PGBD5: variants seen among roughly 807,000 people sequenced by gnomAD.
PGBD5 encodes piggyBac transposable element derived 5.
In PGBD5, 14 loss-of-function variants were observed where a neutral mutation model predicts 47.9. The ratio of observed to expected loss-of-function variants is 0.29; its 90% CI spans 0.19 to 0.46. The LOEUF is 0.46. Ranked by LOEUF, PGBD5 falls within the 20% of genes least tolerant of loss-of-function variation. The pLI is 1.00. For missense variants in PGBD5, 635 were observed against 716.0 expected, an observed-to-expected ratio of 0.89 and a Z score of 1.29; for synonymous variants, 316 against 306.3, an observed-to-expected ratio of 1.03 and a Z score of -0.33.
chr1:230,377,161 G>A (rs1168296530), intron 1 of PGBD5, among the ~76,000 whole-genome samples: 1 of 152,204 alleles, frequency 6.6e-6, no homozygotes, highest in African/African-American at 2.4e-5. Flanking sequence ...AAATGCATAA[G>A]TGTAAGGTGC....
chr1:230,374,085 T>C (rs1197202328), intron 1 of PGBD5, among the ~76,000 whole-genome samples: 1 of 152,202 alleles, frequency 6.6e-6, no homozygotes, highest in African/African-American at 2.4e-5. Flanking sequence ...GAACTCTCTC[T>C]ACATTAAAAG....
In PGBD5 at chr1:230,357,328, C is replaced by A. The variant is rs370040930; in HGVS notation, c.332-7G>T. On this transcript the variant is annotated splice_region_variant and splice_polypyrimidine_tract_variant and intron_variant, in intron 1 of 6. Coordinates refer to ENST00000391860, the MANE Select transcript of PGBD5 (RefSeq NM_001258311.2). This position sits in a 1 kb window ranked among gnomAD's most constrained non-coding sequence, Gnocchi z 5.7. ...GGCATCTTTCGGGTGGGACCTGAAA[C>A]CCAAAGACAGGTGGAGTGTTCCTTA... 5 of 1,611,572 alleles carry A rather than the reference C, an allele frequency of 3.1e-6. No homozygotes were observed. Among genetic ancestry groups the A allele is most frequent in the Non-Finnish European group, 4.2e-6 (5 of 1,178,390 alleles).
chr1:230,324,581 C>T (rs932686750), intron 6 of PGBD5, among the ~76,000 whole-genome samples: 1 of 152,136 alleles, frequency 6.6e-6, no homozygotes, highest in East Asian at 1.9e-4. Flanking sequence ...ACAGGTTACC[C>T]TCAAAGAAGG....
At chr1:230,347,476 C>CTTTTTTTT (rs71733326) in intron 3 of PGBD5, among the ~76,000 whole-genome samples, 2 of 113,448 alleles carry the variant, frequency 1.8e-5, no homozygotes, top group Non-Finnish European at 3.6e-5. Context: ...ATTTTCTTTT[C>CTTTTTTTT]TTTTTTTTTT....
chr1:230,372,447 A>G (rs1667944185), intron 1 of PGBD5, among the ~76,000 whole-genome samples: 1 of 152,210 alleles, frequency 6.6e-6, no homozygotes, highest in Non-Finnish European at 1.5e-5. Context: ...ACTATAAGCC[A>G]TACCTAGCAA....
intron 1 of PGBD5, among the ~76,000 whole-genome samples, chr1:230,414,704 AAT>A: frequency 6.6e-6 from 1 of 152,242 alleles, no homozygotes; most frequent in East Asian, 1.9e-4. Context: ...ACACACAGGC[AAT>A]TCAGCTGAAA....
intron 5 of PGBD5, among the ~76,000 whole-genome samples, chr1:230,331,448 G>A (rs1667213395): frequency 6.6e-6 from 1 of 151,920 alleles, no homozygotes; most frequent in Non-Finnish European, 1.5e-5. Flanking sequence ...TAATTTGGTA[G>A]GAAGCAGTTC....
In PGBD5 at chr1:230,314,932, A is replaced by G. The variant is rs1485364836; in HGVS notation, c.*8493T>C. The stretch of plus-strand genomic sequence containing the variant: ...TTTGACACGGATTTCCTCATCATCA[A>G]TGGCGGCTCTCCTGAACTAGGGATG... On this transcript the variant is annotated 3_prime_UTR_variant, in exon 7 of 7. Transcript: ENST00000391860. The G allele has an allele frequency of 2.0e-5, 3 of 151,984 alleles. No homozygotes were observed. Among genetic ancestry groups the G allele is most frequent in the East Asian group, 3.8e-4 (2 of 5,196 alleles). The allele number at this position is 151,984 out of a possible 1,614,324, so 9.4% of individuals were successfully genotyped here.
Position 230,316,622 on chromosome 1 carries a change from G to A in PGBD5, c.*6803C>T, listed in dbSNP as rs1319247032. The A allele has an allele frequency of 6.6e-6, 1 of 151,810 alleles. No homozygotes were observed. The highest frequency in any genetic ancestry group is 1.5e-5 in the Non-Finnish European group (1 of 67,954). 9.4% of individuals were successfully genotyped at this position (151,810 alleles called of 1,614,324 possible). A position where few individuals can be genotyped will look rare whatever the true frequency, so the allele number is the denominator to read the frequency against. On this transcript the variant is annotated 3_prime_UTR_variant, in exon 7 of 7. Transcript: ENST00000391860. The stretch of plus-strand genomic sequence containing the variant: ...AATTATTGTTTTTTTTTCCTACCAC[G>A]ACTCTTGCCAAAATTTGGCTGTTTC...
chr1:230,358,910 C>G (rs1667700379), intron 1 of PGBD5, among the ~76,000 whole-genome samples: 1 of 152,190 alleles, frequency 6.6e-6, no homozygotes. Flanking sequence ...GAATGTATCT[C>G]TGTCATTAAG....
At chr1:230,362,846 C>T (rs1667769350) in intron 1 of PGBD5, among the ~76,000 whole-genome samples, 1 of 152,066 alleles carries the variant, frequency 6.6e-6, no homozygotes, top group African/African-American at 2.4e-5. Flanking sequence ...GTCTCTATGG[C>T]AACAGTCCCT....
At position 230,398,908 on chromosome 1, in the gene PGBD5, G is replaced by C. The variant is rs115377713; in HGVS notation, c.331+26690C>G. 9.7e-3 allele frequency among the ~76,000 whole-genome samples: 1,474 copies of C among 152,290 alleles called. 24 individuals are homozygous for C. The highest frequency in any genetic ancestry group is 0.034 in the African/African-American group (1,410 of 41,554). On this transcript the variant is annotated intron_variant, in intron 1 of 6. Transcript: ENST00000391860. ...GAGCAGCTGGTCTGAAACAGAAGCG[G>C]AAGGGCTGGATGCAGAGTGCTCCAA...
In PGBD5 at chr1:230,322,835, C is replaced by G. The variant is rs1310342888; in HGVS notation, c.*590G>C. ...GCAGAGGGAATGAGCAGGAATGCCT[C>G]GTTTTTCAGAATGGGCACCCACTCC... is the stretch of plus-strand genomic sequence containing the variant. On this transcript the variant is annotated 3_prime_UTR_variant, in exon 7 of 7. Transcript: ENST00000391860. This position sits in a 1 kb window ranked among gnomAD's most constrained non-coding sequence, Gnocchi z 5.9. The G allele has an allele frequency of 6.5e-6, 1 of 152,790 alleles. No individual in the cohort carries two copies. 9.5% of individuals were successfully genotyped at this position (152,790 alleles called of 1,614,324 possible).
In PGBD5 at chr1:230,314,725, A is replaced by G. The variant is rs1214225769; in HGVS notation, c.*8700T>C. ...GGCGTAAAGTGAAAATCTTCACAGA[A>G]GGGTATGCTTTGTGTCACCAAATGG... On this transcript the variant is annotated 3_prime_UTR_variant, in exon 7 of 7. Coordinates refer to ENST00000391860, the MANE Select transcript of PGBD5 (RefSeq NM_001258311.2). 1 of 152,046 alleles carries G rather than the reference A, an allele frequency of 6.6e-6. No homozygotes were observed. Among genetic ancestry groups the G allele is most frequent in the Non-Finnish European group, 1.5e-5 (1 of 68,020 alleles). 9.4% of individuals were successfully genotyped at this position (152,046 alleles called of 1,614,324 possible).
chr1:230,378,185 G>C (rs942267656), intron 1 of PGBD5, among the ~76,000 whole-genome samples: 2 of 152,206 alleles, frequency 1.3e-5, no homozygotes, highest in South Asian at 4.1e-4. Context: ...ATGGGACCTA[G>C]TATTGGACTG....
At chr1:230,325,012 C>T (rs1263591607) in intron 6 of PGBD5, among the ~76,000 whole-genome samples, 2 of 152,170 alleles carry the variant, frequency 1.3e-5, no homozygotes, top group Non-Finnish European at 2.9e-5. Flanking sequence ...TTTGAGCTCA[C>T]TGCTGAGGGA....
rs1445300452 is a variant in PGBD5, at chr1:230,323,648, G to A, written c.1380-28C>T. ...GAGGACAGAGGGAATAAGAACGGCT[G>A]ACCCGATGGTTCATGGCACCCGGAG... On this transcript the variant is annotated intron_variant, in intron 6 of 6. Coordinates refer to ENST00000391860, the MANE Select transcript of PGBD5 (RefSeq NM_001258311.2). The surrounding 1 kb of genome is among the most constrained non-coding windows in gnomAD (Gnocchi z 4.1). 4 of 1,596,060 alleles carry A rather than the reference G, an allele frequency of 2.5e-6. No individual in the cohort carries two copies. The highest frequency in any genetic ancestry group is 3.4e-6 in the Non-Finnish European group (4 of 1,169,436).
chr1:230,332,747 G>C, intron 5 of PGBD5, 97 bp downstream of exon 5: 1 of 1,410,112 alleles, frequency 7.1e-7, no homozygotes, highest in East Asian at 2.3e-5. Context: ...GAGCAGCACA[G>C]CCCACAGTGG....
intron 2 of PGBD5, among the ~76,000 whole-genome samples, chr1:230,351,685 C>T (rs1667562805): frequency 6.6e-6 from 1 of 152,170 alleles, no homozygotes; most frequent in Admixed American, 6.5e-5. Context: ...GCTGAACCTC[C>T]TCTTTTTATA....
Sources: allele counts gnomAD v4.1 joint callset (sites outside exome capture counted in the v4.1 genomes callset), GRCh38; gene constraint gnomAD v4.1.1; non-coding constraint Gnocchi (gnomAD v3.1); transcripts MANE v1.5; gene names NCBI Gene and HGNC (gene_info 2026-07-23, HGNC 2026-07-21).